CACNA1C: variants seen among roughly 807,000 people sequenced by gnomAD.
CACNA1C encodes calcium voltage-gated channel subunit alpha1 C.
In CACNA1C, 30 loss-of-function variants were observed where a neutral mutation model predicts 229.0. That is an observed-to-expected ratio of 0.13 (90% CI 0.10 to 0.18). CACNA1C has a LOEUF of 0.18. Among genes scored for constraint, CACNA1C ranks in the 10% least tolerant of loss-of-function variants. The pLI is 1.00. For synonymous variants in CACNA1C, 1,114 were observed against 1,132.5 expected, an observed-to-expected ratio of 0.98 and a Z score of 0.33; for missense variants, 1,658 against 2,845.0, an observed-to-expected ratio of 0.58 and a Z score of 9.49.
Position 2,190,329 on chromosome 12 carries a change from T to C in CACNA1C, c.477+69899T>C, listed in dbSNP as rs2097171066. Among the ~76,000 whole-genome samples, 6 of 152,186 alleles carry C rather than the reference T, an allele frequency of 3.9e-5. 1 individual carries two copies. The South Asian group carries it at 1.2e-3, about 32-fold the overall frequency. On this transcript the variant is annotated intron_variant, in intron 3 of 46. Coordinates refer to ENST00000399655, the MANE Select transcript of CACNA1C (RefSeq NM_000719.7). ...TTCTCCCAGGTAAGGTTTTTGTCAT[T>C]CAAGGTGTGGCTGCACAGCAGGGAA...
At chr12:2,671,583 C>T (rs2096572659) in intron 38 of CACNA1C, among the ~76,000 whole-genome samples, 1 of 152,074 alleles carries the variant, frequency 6.6e-6, no homozygotes, top group African/African-American at 2.4e-5. Flanking sequence ...AGATTTTGTT[C>T]CCTAGAGGAA....
intron 1 of CACNA1C, among the ~76,000 whole-genome samples, chr12:2,093,371 T>C (rs2238023): frequency 0.1 from 15,259 of 152,218 alleles, 1,742 homozygotes; most frequent in African/African-American, 0.28. Context: ...ATGCTAGGCA[T>C]TGTGAGGCCA....
intron 7 of CACNA1C, among the ~76,000 whole-genome samples, chr12:2,500,220 C>T (rs534689662): frequency 5.3e-5 from 8 of 152,280 alleles, no homozygotes; most frequent in South Asian, 4.2e-4. Context: ...CAGTGTGGGA[C>T]GGCGAGGGGG....
chr12:2,165,503 TTTCCAAC>T (rs973734048), intron 3 of CACNA1C, among the ~76,000 whole-genome samples: 1 of 152,160 alleles, frequency 6.6e-6, no homozygotes, highest in African/African-American at 2.4e-5. Context: ...GAATCAAAGT[TTTCCAAC>T]TGCCTTGCTT....
At chr12:2,379,354 AATCTT>A (rs1218540085) in intron 3 of CACNA1C, among the ~76,000 whole-genome samples, 4 of 152,182 alleles carry the variant, frequency 2.6e-5, no homozygotes, top group Non-Finnish European at 5.9e-5. Flanking sequence ...CTTTTAGAGA[AATCTT>A]AAGTAACCGT....
intron 7 of CACNA1C, among the ~76,000 whole-genome samples, chr12:2,497,531 C>T (rs948477498): frequency 3.9e-5 from 6 of 152,090 alleles, no homozygotes; most frequent in South Asian, 4.2e-4. Context: ...TGACTTCTGT[C>T]CACCCCATGC....
chr12:2,146,548 CTG>C (rs1430869832), intron 3 of CACNA1C, among the ~76,000 whole-genome samples: 6 of 151,110 alleles, frequency 4.0e-5, no homozygotes, highest in Non-Finnish European at 8.9e-5. Context: ...AGCCCCGGGC[CTG>C]AGGTCTTTGG....
intron 1 of CACNA1C, among the ~76,000 whole-genome samples, chr12:1,999,759 A>G (rs543930884): frequency 1.3e-3 from 203 of 152,268 alleles, no homozygotes; most frequent in Non-Finnish European, 2.3e-3. Context: ...AATTAAAACA[A>G]CTTTAGCCAG....
At position 2,639,239 on chromosome 12, in the gene CACNA1C, C is replaced by T. The variant is rs2093336807; in HGVS notation, c.3912+4859C>T. Among the ~76,000 whole-genome samples the T allele has an allele frequency of 2.0e-5, 3 of 152,164 alleles. No individual in the cohort carries two copies. The South Asian group carries it at 6.2e-4, about 32-fold the overall frequency. ...AGCCGGGGAGGTAAGAGTGCGATGT[C>T]CTGCTGCTCTAGGGAAGCCTCTTGC... On this transcript the variant is annotated intron_variant, in intron 30 of 46. Transcript: ENST00000399655. The surrounding 1 kb of genome is among the most constrained non-coding windows in gnomAD (Gnocchi z 4.2).
chr12:2,028,567 C>G (rs1486242712), intron 1 of CACNA1C, among the ~76,000 whole-genome samples: 1 of 152,104 alleles, frequency 6.6e-6, no homozygotes, highest in African/African-American at 2.4e-5. Flanking sequence ...CCTATCAGCA[C>G]CAACGTTAGA....
intron 1 of CACNA1C, among the ~76,000 whole-genome samples, chr12:2,086,907 G>A (rs2067919161): frequency 6.6e-6 from 1 of 152,122 alleles, no homozygotes; most frequent in Admixed American, 6.5e-5. Flanking sequence ...TGTGACCCCA[G>A]GAAGAAAAAG....
chr12:2,226,927 T>G (rs914663426), intron 3 of CACNA1C, among the ~76,000 whole-genome samples: 5 of 152,218 alleles, frequency 3.3e-5, no homozygotes, highest in African/African-American at 1.2e-4. Flanking sequence ...TGAATCCCGG[T>G]CCAGGTGGAA....
At chr12:2,492,970 C>T (rs1380191297) in intron 6 of CACNA1C, among the ~76,000 whole-genome samples, 1 of 152,158 alleles carries the variant, frequency 6.6e-6, no homozygotes, top group Admixed American at 6.5e-5. Context: ...AAAGGACTGA[C>T]CTTCTAAATT....
At chr12:2,475,277 C>T (rs1300079576) in intron 5 of CACNA1C, among the ~76,000 whole-genome samples, 6 of 150,390 alleles carry the variant, frequency 4.0e-5, no homozygotes, top group South Asian at 4.2e-4. Context: ...CCAGCCTGGG[C>T]AACAGAGTGA....
At chr12:2,042,547 C>T (rs1457787363) in intron 1 of CACNA1C, among the ~76,000 whole-genome samples, 1 of 152,170 alleles carries the variant, frequency 6.6e-6, no homozygotes, top group African/African-American at 2.4e-5. Context: ...TTTCAAATGT[C>T]TCCTTGTCTG....
intron 5 of CACNA1C, among the ~76,000 whole-genome samples, chr12:2,474,609 A>T (rs2099612663): frequency 6.6e-6 from 1 of 152,114 alleles, no homozygotes; most frequent in South Asian, 2.1e-4. Context: ...ACAAAAACTT[A>T]GCCAGACATG....
At position 2,680,611 on chromosome 12, in the gene CACNA1C, A is replaced by C. The variant is rs781459339; in HGVS notation, c.5444+815A>C. The C allele has an allele frequency of 1.9e-5, 29 of 1,518,010 alleles. No individual in the cohort carries two copies. The South Asian group carries it at 3.2e-4, about 17-fold the overall frequency. 94.0% of individuals were successfully genotyped at this position (1,518,010 alleles called of 1,614,324 possible). ...TGCTCGCCCTCCAGCTCAGAAAATAATAGAGAAGTAGCAGCTTCCCTCTAA... is the reference window on the plus strand; with the variant it reads ...TGCTCGCCCTCCAGCTCAGAAAATACTAGAGAAGTAGCAGCTTCCCTCTAA... On this transcript the variant is annotated intron_variant, in intron 42 of 46. Coordinates refer to ENST00000399655, the MANE Select transcript of CACNA1C (RefSeq NM_000719.7).
At position 2,607,018 on chromosome 12, in the gene CACNA1C, G is replaced by A. The variant is rs1568744054; in HGVS notation, c.3244G>A (p.Asp1082Asn). 2.5e-6 allele frequency: 4 copies of A among 1,613,954 alleles called. No homozygotes were observed. Among genetic ancestry groups the A allele is most frequent in the Non-Finnish European group, 3.4e-6 (4 of 1,179,866 alleles). The part of the protein sequence containing the change: ...NYITYKDGEV[D>N]HPIIQPRSWE... ...CATCACGTACAAAGACGGGGAGGTT[G>A]ACCACCCCATCATCCAACCCCGCAG... Residue 1082 changes from aspartate (D) to asparagine (N), a missense_variant, in exon 26 of 47, where the codon GAC becomes AAC. Transcript: ENST00000399655.
chr12:2,143,637 G>T (rs569965319), intron 3 of CACNA1C, among the ~76,000 whole-genome samples: 1 of 151,256 alleles, frequency 6.6e-6, no homozygotes, highest in East Asian at 1.9e-4. Context: ...TGCCATCCAG[G>T]TTTGTGTAAG....
Sources: allele counts gnomAD v4.1 joint callset (sites outside exome capture counted in the v4.1 genomes callset), GRCh38; gene constraint gnomAD v4.1.1; non-coding constraint Gnocchi (gnomAD v3.1); transcripts MANE v1.5; gene names NCBI Gene and HGNC (gene_info 2026-07-23, HGNC 2026-07-21).